MGAT4C: variants seen among roughly 807,000 people sequenced by gnomAD.
MGAT4C encodes the protein alpha-1,3-mannosyl-glycoprotein 4-beta-N-acetylglucosaminyltransferase C.
MGAT4C carries 19 observed loss-of-function variants against 40.1 expected under a neutral mutation model. The ratio of observed to expected loss-of-function variants is 0.47; its 90% confidence interval spans 0.33 to 0.70. The LOEUF (loss-of-function observed/expected upper bound fraction) is 0.70, where lower values mean the gene tolerates loss of function less well. Ranked by LOEUF, MGAT4C falls within the 30% of genes least tolerant of loss-of-function variation. The pLI is 0.02. For missense variants in MGAT4C, 491 were observed against 563.2 expected (o/e 0.87, Z 1.30); for synonymous variants, 181 against 187.1 (o/e 0.97, Z 0.27).
chr12:86,416,357 G>A (rs1172339153), intron 3 of MGAT4C, among the ~76,000 whole-genome samples: 1 of 151,930 alleles, frequency 6.6e-6, no homozygotes, highest in Non-Finnish European at 1.5e-5. Flanking sequence ...TATGAATCAG[G>A]CTTATATTAA....
At chr12:86,799,106 A>G (rs1184505703) in intron 1 of MGAT4C, among the ~76,000 whole-genome samples, 1 of 151,764 alleles carries the variant, frequency 6.6e-6, no homozygotes, top group Non-Finnish European at 1.5e-5. Context: ...GAAGAGAAGG[A>G]TTTGATTTTC....
intron 2 of MGAT4C, among the ~76,000 whole-genome samples, chr12:86,641,198 G>A (rs1186901246): frequency 6.6e-6 from 1 of 151,786 alleles, no homozygotes; most frequent in Non-Finnish European, 1.5e-5. Context: ...CATAAAAAAT[G>A]ATGAGTTCAT....
chr12:86,124,393 T>G (rs114863492), intron 1 of MGAT4C, among the ~76,000 whole-genome samples: 1 of 152,158 alleles, frequency 6.6e-6, no homozygotes, highest in African/African-American at 2.4e-5. Flanking sequence ...TGGAAAGATA[T>G]AACAATACTG....
At chr12:86,110,996 A>G (rs1877286857) in intron 1 of MGAT4C, among the ~76,000 whole-genome samples, 1 of 151,828 alleles carries the variant, frequency 6.6e-6, no homozygotes. Context: ...GAAATGAATT[A>G]TTTTTATTTC....
chr12:86,693,329 G>A (rs1170646361), intron 2 of MGAT4C, among the ~76,000 whole-genome samples: 1 of 152,080 alleles, frequency 6.6e-6, no homozygotes, highest in Non-Finnish European at 1.5e-5. Context: ...TCTTCTCTTG[G>A]TTATTTTTTC....
At chr12:86,289,112 ATCT>A (rs1177812015) in intron 4 of MGAT4C, among the ~76,000 whole-genome samples, 2 of 152,094 alleles carry the variant, frequency 1.3e-5, no homozygotes, top group African/African-American at 4.8e-5. Flanking sequence ...TCCAGTTTCA[ATCT>A]TCTGCCTAGA....
chr12:86,630,882 T>C (rs886118709), intron 2 of MGAT4C, among the ~76,000 whole-genome samples: 4 of 152,210 alleles, frequency 2.6e-5, no homozygotes, highest in South Asian at 2.1e-4. Context: ...CTATTCAACA[T>C]AGTGTTGGAA....
At chr12:86,287,262 AT>A (rs1027462842) in intron 4 of MGAT4C, among the ~76,000 whole-genome samples, 1 of 151,214 alleles carries the variant, frequency 6.6e-6, no homozygotes, top group Non-Finnish European at 1.5e-5. Flanking sequence ...AGAATCTGTT[AT>A]TTTTTTTACC....
Position 86,343,875 on chromosome 12 carries a change from G to GT in MGAT4C, c.-119-9749dup, listed in dbSNP as rs1018105194. Among the ~76,000 whole-genome samples the GT allele has an allele frequency of 6.6e-5, 10 of 151,614 alleles. 1 individual carries two copies. The South Asian group carries it at 8.3e-4, about 13-fold the overall frequency. On this transcript the variant is annotated intron_variant, in intron 3 of 7. Coordinates refer to the MGAT4C transcript ENST00000548651. ...TTTTTTTCTTTTCATTTTTGAATGT[G>GT]TTTTTTTTATAGGTCTGTGTGCTTA...
intron 4 of MGAT4C, among the ~76,000 whole-genome samples, chr12:86,271,221 A>G (rs1258161196): frequency 6.6e-6 from 1 of 152,224 alleles, no homozygotes; most frequent in Non-Finnish European, 1.5e-5. Context: ...CAGTGAGGAG[A>G]AAACCTGTTG....
chr12:86,403,394 C>T (rs967600721), intron 3 of MGAT4C, among the ~76,000 whole-genome samples: 9 of 152,200 alleles, frequency 5.9e-5, no homozygotes, highest in African/African-American at 1.9e-4. Context: ...CTGTTAGCAG[C>T]TTCTGTTTCC....
rs116249447 is a variant in MGAT4C at position 86,717,889 on chromosome 12, T to C, written c.-229+9320A>G. On this transcript the variant is annotated intron_variant, in intron 2 of 7. Coordinates refer to the MGAT4C transcript ENST00000548651. ...CACAGTTTATTATTAGGAAATTTGATATAAATTTTTGGCTAAGTTTTATAC... is the reference window on the plus strand; with the variant it reads ...CACAGTTTATTATTAGGAAATTTGACATAAATTTTTGGCTAAGTTTTATAC... Among the ~76,000 whole-genome samples the C allele has an allele frequency of 3.2e-3, 480 of 152,328 alleles. 1 individual carries two copies. The highest frequency in any genetic ancestry group is 0.011 in the African/African-American group (464 of 41,590).
At chr12:86,330,650 T>G (rs1954642460) in intron 4 of MGAT4C, among the ~76,000 whole-genome samples, 1 of 152,200 alleles carries the variant, frequency 6.6e-6, no homozygotes, top group African/African-American at 2.4e-5. Flanking sequence ...GTGATAGTCT[T>G]ATTTATAGAA....
chr12:86,005,380 C>G (rs946397558), intron 2 of MGAT4C, among the ~76,000 whole-genome samples: 3 of 152,064 alleles, frequency 2.0e-5, no homozygotes, highest in Non-Finnish European at 1.5e-5. Flanking sequence ...TAACAGAACA[C>G]AATTGGAAAC....
At chr12:86,597,249 T>TC (rs1485414964) in intron 2 of MGAT4C, among the ~76,000 whole-genome samples, 1 of 152,184 alleles carries the variant, frequency 6.6e-6, no homozygotes, top group Non-Finnish European at 1.5e-5. Flanking sequence ...TTACCCTAAC[T>TC]CTTGTCCTTG....
chr12:86,367,433 C>A (rs1175573107), intron 3 of MGAT4C, among the ~76,000 whole-genome samples: 1 of 152,140 alleles, frequency 6.6e-6, no homozygotes, highest in Non-Finnish European at 1.5e-5. Flanking sequence ...CTCTCCCTCC[C>A]AGATAAGCAC....
intron 4 of MGAT4C, among the ~76,000 whole-genome samples, chr12:86,326,637 TG>T (rs1409126898): frequency 3.3e-5 from 5 of 152,092 alleles, no homozygotes; most frequent in African/African-American, 9.6e-5. Context: ...TCATATTTTA[TG>T]TCACAAAAGG....
intron 1 of MGAT4C, among the ~76,000 whole-genome samples, chr12:86,098,343 A>C (rs753412822): frequency 1.1e-4 from 17 of 151,512 alleles, no homozygotes; most frequent in Non-Finnish European, 2.1e-4. Context: ...ATCAGTTATG[A>C]ATCTGTCTGA....
intron 4 of MGAT4C, among the ~76,000 whole-genome samples, chr12:86,297,040 G>C (rs1953699168): frequency 6.6e-6 from 1 of 152,150 alleles, no homozygotes; most frequent in Non-Finnish European, 1.5e-5. Context: ...ATTTTCCCTG[G>C]AAAAGAAAAT....
Sources: allele counts gnomAD v4.1 joint callset (sites outside exome capture counted in the v4.1 genomes callset), GRCh38; gene constraint gnomAD v4.1.1; transcripts MANE v1.5; gene names NCBI Gene and HGNC (gene_info 2026-07-23, HGNC 2026-07-21).